The following AOC2 variants were observed in gnomAD, a reference collection of about 807,000 sequenced individuals.
AOC2 encodes amine oxidase [copper-containing] 2.
AOC2 carries 57 observed loss-of-function variants against 53.8 expected under a neutral mutation model. That is an observed-to-expected ratio of 1.06 (90% CI 0.86 to 1.32). AOC2 has a LOEUF of 1.32. Ranked by LOEUF, AOC2 falls within the 40% of genes most tolerant of loss-of-function variation. The pLI is 0.00. For missense variants in AOC2, 1,008 were observed against 957.2 expected (o/e 1.05, Z -0.70); for synonymous variants, 404 against 399.0 (o/e 1.01, Z -0.15).
At position 42,845,050 on chromosome 17, in the gene AOC2, C is replaced by T. The variant is rs2055581108; in HGVS notation, c.424C>T (p.Leu142=). 1 of 1,613,806 alleles carries T rather than the reference C, an allele frequency of 6.2e-7. No homozygotes were observed. ...PNVSELVVGP[L]PHPSYMRDVT... is the part of the protein sequence containing the mutation. Reference sequence around the variant, plus strand: ...TGTGAGTGAGCTGGTGGTGGGGCCGCTGCCTCACCCCTCGTACATGCGGGA... The same window carrying T: ...TGTGAGTGAGCTGGTGGTGGGGCCGTTGCCTCACCCCTCGTACATGCGGGA... Residue 142 remains leucine, a synonymous_variant, in exon 1 of 4, where the codon CTG becomes TTG. Transcript: ENST00000253799.
intron 1 of AOC2, among the ~76,000 whole-genome samples, chr17:42,846,705 T>G (rs35085529): frequency 2.0e-5 from 3 of 152,174 alleles, no homozygotes; most frequent in Non-Finnish European, 4.4e-5. Context: ...AAGCTGGGGT[T>G]GCTCCCCAGG....
chr17:42,850,295 G>C lies in AOC2; in HGVS notation c.2218G>C (p.Asp740His). ...CATCAATCCTGTGGCCTGCCTCCCC[G>C]ACCTGGCAGCCTGTGTCCCGGACTT... is the stretch of plus-strand genomic sequence containing the variant. ...CSINPVACLP[D>H]LAACVPDLPP... is the part of the protein sequence containing the mutation. Residue 740 changes from aspartate to histidine, a missense_variant, in exon 4 of 4, where the codon GAC (aspartate) becomes CAC (histidine). Coordinates refer to ENST00000253799, the MANE Select transcript of AOC2 (RefSeq NM_009590.4). 1 of 1,613,462 alleles carries C rather than the reference G, an allele frequency of 6.2e-7. No homozygotes were observed. The highest frequency in any genetic ancestry group is 8.5e-7 in the Non-Finnish European group (1 of 1,179,478).
At chr17:42,849,875 T>C in intron 3 of AOC2, 145 bp downstream of exon 3, 1 of 1,315,094 alleles carries the variant, frequency 7.6e-7, no homozygotes. Context: ...CCAACACAGG[T>C]CATCCCTCCT....
chr17:42,849,561 T>A, intron 2 of AOC2, 40 bp from the exon 3 acceptor site: 2 of 1,614,114 alleles, frequency 1.2e-6, no homozygotes, highest in Non-Finnish European at 1.7e-6. Context: ...TAAAGGCACT[T>A]GACATTTCCC....
At chr17:42,849,865 C>A in intron 3 of AOC2, 135 bp downstream of exon 3, 1 of 1,362,326 alleles carries the variant, frequency 7.3e-7, no homozygotes, top group Non-Finnish European at 1.0e-6. Context: ...TTTCTGATGA[C>A]CAACACAGGT....
At position 42,850,456 on chromosome 17, in the gene AOC2, C is replaced by A; in HGVS notation, c.*108C>A. ...CCTGCTCCCCAGATTCCCACCCCCTCAATGTTCCTCTCACACGAAACCCCC... is the reference window on the plus strand; with the variant it reads ...CCTGCTCCCCAGATTCCCACCCCCTAAATGTTCCTCTCACACGAAACCCCC... On this transcript the variant is annotated 3_prime_UTR_variant, in exon 4 of 4. Coordinates refer to ENST00000253799, the MANE Select transcript of AOC2 (RefSeq NM_009590.4). 1 of 1,350,656 alleles carries A rather than the reference C, an allele frequency of 7.4e-7. No individual in the cohort carries two copies. The allele number at this position is 1,350,656 out of a possible 1,614,324, so 83.7% of individuals were successfully genotyped here.
In AOC2 at chr17:42,845,444, G is replaced by A. The variant is rs35508987; in HGVS notation, c.818G>A (p.Arg273Gln). Reference protein sequence around the residue: ...HYYADLGQLEREFKSGRLEVV... With the variant: ...HYYADLGQLEQEFKSGRLEVV... ...TATGCAGACTTGGGCCAGTTGGAAC[G>A]GGAGTTTAAGTCTGGCCGGTTGGAA... Residue 273 changes from arginine to glutamine, a missense_variant, in exon 1 of 4, where the codon CGG becomes CAG. Transcript: ENST00000253799. The A allele has an allele frequency of 8.6e-3, 13,939 of 1,614,146 alleles. 73 individuals are homozygous for A. Among genetic ancestry groups the A allele is most frequent in the Middle Eastern group, 0.012 (72 of 6,060 alleles).
Position 42,849,084 on chromosome 17 carries a change from A to G in AOC2, c.1589-2A>G. 2 of 1,606,408 alleles carry G rather than the reference A, an allele frequency of 1.2e-6. No homozygotes were observed. Among genetic ancestry groups the G allele is most frequent in the Non-Finnish European group, 8.5e-7 (1 of 1,174,168 alleles). The stretch of plus-strand genomic sequence containing the variant: ...CTCATCTCCTTTCCCTCCCCCTGGC[A>G]GGGCTGAAAAACTGGGTGGTAGCTG... On this transcript the variant is annotated splice_acceptor_variant, in intron 1 of 3. Coordinates refer to ENST00000253799, the MANE Select transcript of AOC2 (RefSeq NM_009590.4). LOFTEE classifies it high-confidence loss of function.
At position 42,844,865 on chromosome 17, in the gene AOC2, T is replaced by C; in HGVS notation, c.239T>C (p.Val80Ala). 6.2e-7 allele frequency: 1 copy of C among 1,611,934 alleles called. No homozygotes were observed. Among genetic ancestry groups the C allele is most frequent in the East Asian group, 2.2e-5 (1 of 44,828 alleles). Residue 80 changes from valine to alanine, a missense_variant, in exon 1 of 4, where the codon GTG (valine) becomes GCG (alanine). Coordinates refer to ENST00000253799, the MANE Select transcript of AOC2 (RefSeq NM_009590.4). Reference sequence around the variant, plus strand: ...ACCCAGCGGCTGGGGCCAGGGCTGGTGGACGCAGCCCAGGCTCAGCCCTCG... The same window carrying C: ...ACCCAGCGGCTGGGGCCAGGGCTGGCGGACGCAGCCCAGGCTCAGCCCTCG... ...FLTQRLGPGLVDAAQAQPSDN... is the reference protein window; with the variant it reads ...FLTQRLGPGLADAAQAQPSDN...
chr17:42,850,445 T>G lies in AOC2; in HGVS notation c.*97T>G. The G allele has an allele frequency of 7.0e-7, 1 of 1,418,692 alleles. No individual in the cohort carries two copies. The allele number at this position is 1,418,692 out of a possible 1,614,324, so 87.9% of individuals were successfully genotyped here. On this transcript the variant is annotated 3_prime_UTR_variant, in exon 4 of 4. Coordinates refer to ENST00000253799, the MANE Select transcript of AOC2 (RefSeq NM_009590.4). Reference sequence around the variant, plus strand: ...TTTTTATCACACCTGCTCCCCAGATTCCCACCCCCTCAATGTTCCTCTCAC... The same window carrying G: ...TTTTTATCACACCTGCTCCCCAGATGCCCACCCCCTCAATGTTCCTCTCAC...
rs2144283296 is a variant in AOC2, at chr17:42,850,405, T to G, written c.*57T>G. On this transcript the variant is annotated 3_prime_UTR_variant, in exon 4 of 4. Transcript: ENST00000253799. ...CACATGTACTTTTCCCTGTTTCTACTTTCTATTCTCCGTGTTTTTATCACA... is the reference window on the plus strand; with the variant it reads ...CACATGTACTTTTCCCTGTTTCTACGTTCTATTCTCCGTGTTTTTATCACA... The G allele has an allele frequency of 6.6e-7, 1 of 1,510,614 alleles. No individual in the cohort carries two copies. The highest frequency in any genetic ancestry group is 2.1e-5 in the Admixed American group (1 of 48,046). The allele number at this position is 1,510,614 out of a possible 1,614,324, so 93.6% of individuals were successfully genotyped here. A position where few individuals can be genotyped will look rare whatever the true frequency, so the allele number is the denominator to read the frequency against.
intron 2 of AOC2, 87 bp from the exon 3 acceptor site, chr17:42,849,514 C>T: frequency 6.2e-7 from 1 of 1,603,172 alleles, no homozygotes; most frequent in Non-Finnish European, 8.5e-7. Flanking sequence ...GGGAAATGGT[C>T]TCACACAGAA....
chr17:42,849,726 G>A lies in AOC2; in HGVS notation c.2000G>A (p.Gly667Glu). Residue 667 changes from glycine to glutamate, a missense_variant, in exon 3 of 4, where the codon GGA becomes GAA. Physicochemically the swap from Gly to Glu is moderately conservative, Grantham distance 98. Transcript: ENST00000253799. The stretch of plus-strand genomic sequence containing the variant: ...TTCATCAACAATGAAACCCTCTTAG[G>A]AGAGGTTGGTTGCCCTAGGGACATA... ...ADFINNETLL[G>E]EDLVAWVTAS... 1.2e-6 allele frequency: 2 copies of A among 1,614,202 alleles called. No individual in the cohort carries two copies. Among genetic ancestry groups the A allele is most frequent in the Admixed American group, 1.7e-5 (1 of 60,034 alleles).
Position 42,845,903 on chromosome 17 carries a change from T to C in AOC2, c.1277T>C (p.Phe426Ser). 2 of 1,614,164 alleles carry C rather than the reference T, an allele frequency of 1.2e-6. No individual in the cohort carries two copies. Among genetic ancestry groups the C allele is most frequent in the East Asian group, 2.2e-5 (1 of 44,886 alleles). The change falls in exon 1 of 4, where the codon TTT becomes TCT. Residue 426 changes from phenylalanine to serine, a missense_variant. Physicochemically the swap from Phe to Ser is radical, Grantham distance 155. Coordinates refer to ENST00000253799, the MANE Select transcript of AOC2 (RefSeq NM_009590.4). ...CTGCTTCCAGGGGCTGTGTGTGTATTTGAGGAAGCCCAGGGACTGCCCCTT... is the reference window on the plus strand; with the variant it reads ...CTGCTTCCAGGGGCTGTGTGTGTATCTGAGGAAGCCCAGGGACTGCCCCTT... Reference protein sequence around the residue: ...VQLLPGAVCVFEEAQGLPLRR... With the variant: ...VQLLPGAVCVSEEAQGLPLRR...
Position 42,844,602 on chromosome 17 carries a change from C to T in AOC2, c.-25C>T, listed in dbSNP as rs1406384779. ...ACTGGAAGGAGCAGCTGTTAGAATT[C>T]TGATTTCAGCTCTCAGCATCCACCA... On this transcript the variant is annotated 5_prime_UTR_variant, in exon 1 of 4. Coordinates refer to ENST00000253799, the MANE Select transcript of AOC2 (RefSeq NM_009590.4). 29 of 1,583,966 alleles carry T rather than the reference C, an allele frequency of 1.8e-5. No homozygotes were observed. Among genetic ancestry groups the T allele is most frequent in the Non-Finnish European group, 2.3e-5 (27 of 1,159,656 alleles).
At chr17:42,846,545 A>G (rs3744235) in intron 1 of AOC2, among the ~76,000 whole-genome samples, 4,280 of 151,558 alleles carry the variant, frequency 0.028, 182 homozygotes, top group South Asian at 0.11. Context: ...AACTGGCCCA[A>G]TGGGGCTGGA....
chr17:42,845,622 C>T lies in AOC2; in HGVS notation c.996C>T (p.Thr332=), dbSNP rs1285549274. The T allele has an allele frequency of 5.6e-6, 9 of 1,614,194 alleles. No individual in the cohort carries two copies. The highest frequency in any genetic ancestry group is 3.3e-5 in the Admixed American group (2 of 60,028). Residue 332 remains threonine (T), a synonymous_variant, in exon 1 of 4, where the codon ACC becomes ACT. Coordinates refer to ENST00000253799, the MANE Select transcript of AOC2 (RefSeq NM_009590.4). Reference sequence around the variant, plus strand: ...TGGTATCCTCCCTCTGGTCATTTACCTTTGGCCATGGGGTGTTCAGCGGCC... The same window carrying T: ...TGGTATCCTCCCTCTGGTCATTTACTTTTGGCCATGGGGTGTTCAGCGGCC... ...NLVVSSLWSF[T]FGHGVFSGLR...
At position 42,845,515 on chromosome 17, in the gene AOC2, A is replaced by T; in HGVS notation, c.889A>T (p.Arg297Trp). 1 of 1,614,106 alleles carries T rather than the reference A, an allele frequency of 6.2e-7. No individual in the cohort carries two copies. Among genetic ancestry groups the T allele is most frequent in the Non-Finnish European group, 8.5e-7 (1 of 1,180,020 alleles). Reference sequence around the variant, plus strand: ...TCCACCAAATGGAGCTTCATCCCTGAGGTCTCGGAACTCTCCAGGTCCTCT... The same window carrying T: ...TCCACCAAATGGAGCTTCATCCCTGTGGTCTCGGAACTCTCCAGGTCCTCT... ...LPPPNGASSL[R>W]SRNSPGPLPP... Residue 297 changes from arginine to tryptophan, a missense_variant, in exon 1 of 4, where the codon AGG becomes TGG. Coordinates refer to ENST00000253799, the MANE Select transcript of AOC2 (RefSeq NM_009590.4).
chr17:42,845,743 A>T lies in AOC2; in HGVS notation c.1117A>T (p.Thr373Ser), dbSNP rs1329242515. Residue 373 changes from threonine to serine, a missense_variant, in exon 1 of 4, where the codon ACG (threonine) becomes TCG (serine). Physicochemically the swap from Thr to Ser is moderately conservative, Grantham distance 58. Transcript: ENST00000253799. ...VSIYGADSPKTMLTRYLDSSF... is the reference protein window; with the variant it reads ...VSIYGADSPKSMLTRYLDSSF... ...TATCTATGGTGCCGATTCACCCAAG[A>T]CGATGCTGACTCGCTATTTGGATAG... 5 of 1,613,990 alleles carry T rather than the reference A, an allele frequency of 3.1e-6. No homozygotes were observed. The highest frequency in any genetic ancestry group is 4.2e-6 in the Non-Finnish European group (5 of 1,179,984).
Sources: gnomAD v4.1 joint callset for allele counts (sites outside exome capture counted in the v4.1 genomes callset) on GRCh38, gnomAD v4.1.1 for gene constraint, MANE v1.5 for transcripts, NCBI Gene and HGNC (gene_info 2026-07-23, HGNC 2026-07-21) for gene names.